Variants in SPATA21 observed in about 807,000 individuals in gnomAD.
The protein encoded by SPATA21 is spermatogenesis associated 21, also known as spermatogenesis-associated protein 21.
Under a neutral mutation model 54.8 loss-of-function variants are expected in SPATA21, and 47 were observed. The observed-to-expected ratio is 0.86, with a 90% CI of 0.68 to 1.09. The LOEUF (loss-of-function observed/expected upper bound fraction) is 1.09. SPATA21 is among the 50% of genes least tolerant of loss of function. SPATA21 has a pLI of 0.00. For synonymous variants in SPATA21, 245 were observed against 235.3 expected (o/e 1.04, Z -0.38); for missense variants, 599 against 596.4 (o/e 1.00, Z -0.05).
At chr1:16,424,243 G>A (rs1164627832) in intron 3 of SPATA21, among the ~76,000 whole-genome samples, 15 of 1,924 alleles carry the variant, frequency 7.8e-3, no homozygotes, top group Admixed American at 0.018. Flanking sequence ...AACCTGGGAG[G>A]CAGAGCTTGC....
chr1:16,419,480 G>A (rs749074115), intron 5 of SPATA21, among the ~76,000 whole-genome samples: 5 of 152,204 alleles, frequency 3.3e-5, no homozygotes, highest in Non-Finnish European at 5.9e-5. Flanking sequence ...GAGGGAAAAG[G>A]AGGAATCAGA....
chr1:16,425,234 G>T (rs1371275627), intron 3 of SPATA21: 1 of 577,216 alleles, frequency 1.7e-6, no homozygotes, highest in Non-Finnish European at 3.3e-6. Flanking sequence ...TTAAATGCTT[G>T]TGATGTAGGC....
At position 16,421,474 on chromosome 1, in the gene SPATA21, C is replaced by T; in HGVS notation, c.144+35G>A. ...TGATCCCCCCTGCCTTTCTCCTACA[C>T]AGCTCGTCCCCGTTCCCCCTATGGC... On this transcript the variant is annotated intron_variant, in intron 5 of 12. Coordinates refer to ENST00000335496, the MANE Select transcript of SPATA21 (RefSeq NM_198546.1). This position sits in a 1 kb window ranked among gnomAD's most constrained non-coding sequence, Gnocchi z 5.2. 6.3e-7 allele frequency: 1 copy of T among 1,596,040 alleles called. No individual in the cohort carries two copies. Among genetic ancestry groups the T allele is most frequent in the Non-Finnish European group, 8.5e-7 (1 of 1,171,694 alleles).
chr1:16,427,977 C>T, intron 3 of SPATA21: 3 of 1,550,064 alleles, frequency 1.9e-6, no homozygotes, highest in Non-Finnish European at 2.6e-6. Context: ...ATGAGAGGTG[C>T]TTCTTGCTGC....
At chr1:16,430,894 T>A (rs2100901572) in intron 3 of SPATA21, among the ~76,000 whole-genome samples, 1 of 152,322 alleles carries the variant, frequency 6.6e-6, no homozygotes, top group South Asian at 2.1e-4. Context: ...CCTGTTGGAA[T>A]GCTAAACCAG....
chr1:16,403,827 C>T lies in SPATA21; in HGVS notation c.901G>A (p.Asp301Asn), dbSNP rs1286491118. 2 of 1,610,012 alleles carry T rather than the reference C, an allele frequency of 1.2e-6. No individual in the cohort carries two copies. Among genetic ancestry groups the T allele is most frequent in the African/African-American group, 2.7e-5 (2 of 74,846 alleles). Reference sequence around the variant, plus strand: ...GTGTGGGGGTTGTGGGGAGCCATGTCCGACAGGGCGTTCTGTTCTGGAGAC... The same window carrying T: ...GTGTGGGGGTTGTGGGGAGCCATGTTCGACAGGGCGTTCTGTTCTGGAGAC... ...FCSVEQNALSDMAPHNPHTLL... is the reference protein window; with the variant it reads ...FCSVEQNALSNMAPHNPHTLL... The change falls in exon 10 of 13, where the codon GAC (aspartate) becomes AAC (asparagine). Residue 301 changes from aspartate to asparagine, a missense_variant. Transcript: ENST00000335496.
Position 16,410,060 on chromosome 1 carries a change from G to A in SPATA21, c.145-17C>T, listed in dbSNP as rs1287447230. 3.3e-6 allele frequency: 5 copies of A among 1,523,306 alleles called. No individual in the cohort carries two copies. Among genetic ancestry groups the A allele is most frequent in the Non-Finnish European group, 4.4e-6 (5 of 1,138,192 alleles). 94.4% of individuals were successfully genotyped at this position (1,523,306 alleles called of 1,614,324 possible). ...CCTCACCTCCTGGGGACAGGGGAGG[G>A]GATCCAGGAGGCCTCTAGTGGGCCA... On this transcript the variant is annotated splice_polypyrimidine_tract_variant and intron_variant, in intron 5 of 12. Transcript: ENST00000335496.
At chr1:16,414,066 CT>C (rs911405683) in intron 5 of SPATA21, among the ~76,000 whole-genome samples, 2 of 150,970 alleles carry the variant, frequency 1.3e-5, no homozygotes, top group Non-Finnish European at 3.0e-5. Flanking sequence ...GCCTAGAGTT[CT>C]TTTTTTTTAT....
chr1:16,411,556 C>G (rs918732188), intron 5 of SPATA21, among the ~76,000 whole-genome samples: 2 of 151,952 alleles, frequency 1.3e-5, no homozygotes, highest in African/African-American at 4.8e-5. Context: ...TTTGGGAGGG[C>G]GAGGCAGGCG....
chr1:16,409,230 G>A lies in SPATA21; in HGVS notation c.588-27C>T. 1.9e-6 allele frequency: 3 copies of A among 1,613,162 alleles called. No individual in the cohort carries two copies. The highest frequency in any genetic ancestry group is 2.5e-6 in the Non-Finnish European group (3 of 1,179,544). On this transcript the variant is annotated intron_variant, in intron 6 of 12. Coordinates refer to ENST00000335496, the MANE Select transcript of SPATA21 (RefSeq NM_198546.1). The surrounding 1 kb of genome is among the most constrained non-coding windows in gnomAD (Gnocchi z 4.1). Reference sequence around the variant, plus strand: ...TGCAGAGGACAGAACCCCGACCCAGGGCAACATCCGGCCGCCCACCCTGCT... The same window carrying A: ...TGCAGAGGACAGAACCCCGACCCAGAGCAACATCCGGCCGCCCACCCTGCT...
chr1:16,430,317 C>T (rs2086428304), intron 3 of SPATA21, among the ~76,000 whole-genome samples: 1 of 150,082 alleles, frequency 6.7e-6, no homozygotes, highest in South Asian at 2.1e-4. Flanking sequence ...CCTATAGTTC[C>T]AGCTACTCAG....
intron 3 of SPATA21, among the ~76,000 whole-genome samples, chr1:16,429,794 A>G (rs1347053530): frequency 3.3e-5 from 5 of 149,954 alleles, no homozygotes; most frequent in African/African-American, 1.2e-4. Context: ...TTAAATGGTG[A>G]TATCTTTGGC....
chr1:16,426,195 C>T (rs1011520720), intron 3 of SPATA21, among the ~76,000 whole-genome samples: 12 of 152,154 alleles, frequency 7.9e-5, no homozygotes, highest in African/African-American at 2.4e-4. Flanking sequence ...TGTGTCTATC[C>T]GATCTCACTT....
chr1:16,404,980 A>G lies in SPATA21; in HGVS notation c.798T>C (p.Ser266=). ...TLAQVEDALM[S]ADVNGDGRVD... Reference sequence around the variant, plus strand: ...TCTGCCACTCACCATTGACATCAGCACTCATCAGGGCGTCCTCCACCTGGG... The same window carrying G: ...TCTGCCACTCACCATTGACATCAGCGCTCATCAGGGCGTCCTCCACCTGGG... Residue 266 remains serine, a synonymous_variant, in exon 8 of 13, where the codon AGT becomes AGC. Transcript: ENST00000335496. The G allele has an allele frequency of 6.3e-7, 1 of 1,599,058 alleles. No homozygotes were observed.
chr1:16,435,795 T>C (rs2086572616), intron 1 of SPATA21, among the ~76,000 whole-genome samples: 1 of 152,130 alleles, frequency 6.6e-6, no homozygotes, highest in African/African-American at 2.4e-5. Context: ...TCTGTCCATT[T>C]ATACTGGGTT....
At chr1:16,417,984 A>T (rs1255536946) in intron 5 of SPATA21, among the ~76,000 whole-genome samples, 1 of 152,158 alleles carries the variant, frequency 6.6e-6, no homozygotes, top group Non-Finnish European at 1.5e-5. Flanking sequence ...GGCTCCTCTG[A>T]GTGCCTGCAG....
At chr1:16,427,192 G>A (rs925070624) in intron 3 of SPATA21, among the ~76,000 whole-genome samples, 2 of 152,074 alleles carry the variant, frequency 1.3e-5, no homozygotes, top group Admixed American at 6.6e-5. Context: ...AAATTGCCAC[G>A]TTGATGAAAC....
chr1:16,397,473 C>T (rs1013570303), downstream of SPATA21: 1 of 152,106 alleles, frequency 6.6e-6, no homozygotes, highest in Non-Finnish European at 1.5e-5. This position sits in a 1 kb window ranked among gnomAD's most constrained non-coding sequence, Gnocchi z 5.4. Flanking sequence ...GCTTTTTTTC[C>T]TTTTCTTTTT....
chr1:16,432,114 C>CTTTTTTTTTTT (rs35240103), intron 2 of SPATA21, among the ~76,000 whole-genome samples: 2 of 133,106 alleles, frequency 1.5e-5, no homozygotes, highest in Non-Finnish European at 3.2e-5. Flanking sequence ...TCTTCTTCTT[C>CTTTTTTTTTTT]TTTTTTTTTT....
Sources: allele counts gnomAD v4.1 joint callset (sites outside exome capture counted in the v4.1 genomes callset), GRCh38; gene constraint gnomAD v4.1.1; non-coding constraint Gnocchi (gnomAD v3.1); transcripts MANE v1.5; gene names NCBI Gene and HGNC (gene_info 2026-07-23, HGNC 2026-07-21).